SIL1: variants seen among roughly 807,000 people sequenced by gnomAD.
SIL1 encodes SIL1 nucleotide exchange factor, also known as nucleotide exchange factor SIL1.
Under a neutral mutation model 49.1 loss-of-function variants are expected in SIL1, and 40 were observed. That is an observed-to-expected ratio of 0.81 (90% CI 0.63 to 1.06). The LOEUF (loss-of-function observed/expected upper bound fraction) is 1.06, where lower values mean the gene tolerates loss of function less well. SIL1 is among the 50% of genes least tolerant of loss of function. The probability of loss-of-function intolerance (pLI) is 0.00; values close to 1 mark genes in which losing one functional copy is unlikely to be tolerated. For missense variants in SIL1, 500 were observed against 572.6 expected (o/e 0.87, Z 1.29); for synonymous variants, 253 against 250.8 (o/e 1.01, Z -0.08).
rs556123611 is a variant in SIL1, at chr5:139,030,290, T to G, written c.454-3298A>C. Among the ~76,000 whole-genome samples the G allele has an allele frequency of 7.9e-5, 12 of 151,700 alleles. No individual in the cohort carries two copies. In the South Asian group the frequency reaches 2.5e-3, roughly 32 times the overall value. On this transcript the variant is annotated intron_variant, in intron 5 of 9. Coordinates refer to ENST00000394817, the MANE Select transcript of SIL1 (RefSeq NM_022464.5). Reference sequence around the variant, plus strand: ...AACCAGCCTGGCCAACTAGAGAAGGTGAAATTAGAGAGAAGATGAAACCCC... The same window carrying G: ...AACCAGCCTGGCCAACTAGAGAAGGGGAAATTAGAGAGAAGATGAAACCCC...
intron 3 of SIL1, among the ~76,000 whole-genome samples, chr5:139,112,185 C>T (rs1405841292): frequency 1.3e-5 from 2 of 152,250 alleles, no homozygotes; most frequent in Admixed American, 1.3e-4. Flanking sequence ...GGCGTGATCT[C>T]AGCTAGCTAC....
chr5:139,166,409 C>T (rs1751625560), intron 1 of SIL1, among the ~76,000 whole-genome samples: 1 of 152,170 alleles, frequency 6.6e-6, no homozygotes, highest in Non-Finnish European at 1.5e-5. Context: ...TGCCTGCAAT[C>T]CCAGAGCTTT....
chr5:139,180,687 C>A (rs1385428937), intron 1 of SIL1, among the ~76,000 whole-genome samples: 1 of 152,192 alleles, frequency 6.6e-6, no homozygotes, highest in Non-Finnish European at 1.5e-5. Flanking sequence ...CAACTATGGG[C>A]ATGAGGCTGG....
At chr5:139,090,940 T>C (rs1209362706) in intron 3 of SIL1, among the ~76,000 whole-genome samples, 1 of 152,168 alleles carries the variant, frequency 6.6e-6, no homozygotes, top group African/African-American at 2.4e-5. Context: ...AGTGTTGGGA[T>C]AACTCAACAG....
intron 7 of SIL1, among the ~76,000 whole-genome samples, chr5:138,986,301 C>T (rs979739656): frequency 6.6e-6 from 1 of 152,218 alleles, no homozygotes; most frequent in Non-Finnish European, 1.5e-5. Context: ...TCCCCTGCTT[C>T]CCCTCCTGGC....
intron 3 of SIL1, among the ~76,000 whole-genome samples, chr5:139,065,727 A>G (rs1394551067): frequency 6.6e-6 from 1 of 152,070 alleles, no homozygotes; most frequent in South Asian, 2.1e-4. Context: ...CATACACCCA[A>G]TCCTGGGCAA....
intron 3 of SIL1, among the ~76,000 whole-genome samples, chr5:139,058,970 A>ATGTGTGTGTGTGTGTGTGTG (rs61070788): frequency 0.022 from 3,345 of 150,296 alleles, 107 homozygotes; most frequent in African/African-American, 0.071. Flanking sequence ...AGAAATGTGT[A>ATGTGTGTGTGTGTGTGTGTG]TGTGTGTGTG....
At chr5:139,111,776 C>G (rs1442176606) in intron 3 of SIL1, among the ~76,000 whole-genome samples, 1 of 152,200 alleles carries the variant, frequency 6.6e-6, no homozygotes, top group Non-Finnish European at 1.5e-5. Context: ...CCCAGCACAG[C>G]TCCTGGTTGG....
intron 1 of SIL1, among the ~76,000 whole-genome samples, chr5:139,177,605 T>C (rs887904188): frequency 2.0e-5 from 3 of 151,970 alleles, no homozygotes; most frequent in Non-Finnish European, 2.9e-5. Context: ...CTATGCAGCA[T>C]GGCCTTCCAG....
intron 3 of SIL1, among the ~76,000 whole-genome samples, chr5:139,113,319 A>G (rs1561867275): frequency 8.0e-6 from 1 of 124,614 alleles, no homozygotes; most frequent in Non-Finnish European, 1.8e-5. Context: ...AAATAAATAA[A>G]TAAATAAATT....
intron 3 of SIL1, among the ~76,000 whole-genome samples, chr5:139,071,056 G>A (rs971566868): frequency 6.6e-6 from 1 of 152,162 alleles, no homozygotes; most frequent in Admixed American, 6.5e-5. Context: ...ACCTGTGTCC[G>A]ATTGAGCCCC....
intron 1 of SIL1, chr5:139,155,448 T>TGAGAGAGAGAGAGGGAGAGAGAGAGAGA: frequency 7.9e-6 from 1 of 125,910 alleles, no homozygotes; most frequent in Non-Finnish European, 1.8e-5. Flanking sequence ...GTACACAGAG[T>TGAGAGAGAGAGAGGGAGAGAGAGAGAGA]GAGAGAGAGA....
chr5:139,053,384 A>G (rs148711539), intron 3 of SIL1, among the ~76,000 whole-genome samples: 254 of 152,240 alleles, frequency 1.7e-3, no homozygotes, highest in Non-Finnish European at 2.7e-3. Flanking sequence ...AACCATCACC[A>G]TCTCTGATCT....
At chr5:139,179,159 C>A (rs1396546072) in intron 1 of SIL1, among the ~76,000 whole-genome samples, 2 of 152,174 alleles carry the variant, frequency 1.3e-5, no homozygotes, top group Non-Finnish European at 2.9e-5. Context: ...GTTCCCAGCA[C>A]AGGCCCAGGC....
intron 1 of SIL1, among the ~76,000 whole-genome samples, chr5:139,183,142 T>C (rs763414282): frequency 9.2e-5 from 14 of 152,272 alleles, no homozygotes; most frequent in Non-Finnish European, 1.8e-4. Flanking sequence ...AGTCATCAGC[T>C]TTCTAGGGCA....
intron 5 of SIL1, among the ~76,000 whole-genome samples, chr5:139,037,114 T>C (rs6878018): frequency 0.099 from 15,015 of 151,400 alleles, 1,755 homozygotes; most frequent in African/African-American, 0.28. Flanking sequence ...TATAAAATTC[T>C]GTGTGGACAG....
chr5:138,994,333 TATAAA>T (rs1767818183), intron 7 of SIL1, among the ~76,000 whole-genome samples: 2 of 152,106 alleles, frequency 1.3e-5, no homozygotes, highest in African/African-American at 4.8e-5. Context: ...AACAAACAAT[TATAAA>T]ATAAAAACTT....
intron 1 of SIL1, among the ~76,000 whole-genome samples, chr5:139,155,829 G>A (rs944167735): frequency 4.2e-5 from 6 of 142,584 alleles, no homozygotes; most frequent in African/African-American, 1.0e-4. Flanking sequence ...ACTGTCCCAG[G>A]TCAAATAAAC....
At chr5:138,989,359 G>A (rs1250703494) in intron 7 of SIL1, among the ~76,000 whole-genome samples, 1 of 152,106 alleles carries the variant, frequency 6.6e-6, no homozygotes, top group Admixed American at 6.5e-5. Flanking sequence ...GACCAGCCTG[G>A]CCAACACAGT....
Sources: allele counts gnomAD v4.1 joint callset (sites outside exome capture counted in the v4.1 genomes callset), GRCh38; gene constraint gnomAD v4.1.1; transcripts MANE v1.5; gene names NCBI Gene and HGNC (gene_info 2026-07-23, HGNC 2026-07-21).